Variants in TNKS observed in about 807,000 individuals in gnomAD.
The protein encoded by TNKS is poly [ADP-ribose] polymerase tankyrase-1.
A neutral mutation model predicts 135.8 loss-of-function variants in TNKS; 72 were observed. That is an observed-to-expected ratio of 0.53 (90% CI 0.44 to 0.64). TNKS has a LOEUF of 0.64. TNKS is among the 30% of genes least tolerant of loss of function. The probability of loss-of-function intolerance (pLI) is 0.00; values close to 1 mark genes in which losing one functional copy is unlikely to be tolerated. For synonymous variants in TNKS, 849 were observed against 649.3 expected (o/e 1.31, Z -4.68); for missense variants, 1,769 against 1,674.0 (o/e 1.06, Z -0.99).
intron 26 of TNKS, chr8:9,772,223 G>A (rs968028930): frequency 2.8e-6 from 1 of 357,812 alleles, no homozygotes; most frequent in Non-Finnish European, 5.5e-6. Flanking sequence ...AAGAATATTT[G>A]CGTGGTTTTC....
intron 9 of TNKS, among the ~76,000 whole-genome samples, chr8:9,709,476 T>TA (rs1374203507): frequency 2.6e-5 from 4 of 152,312 alleles, no homozygotes; most frequent in East Asian, 3.9e-4. Flanking sequence ...TCTGAGAATA[T>TA]TTTTCTCTAA....
chr8:9,713,467 A>C (rs1221544021), intron 11 of TNKS, among the ~76,000 whole-genome samples: 1 of 152,158 alleles, frequency 6.6e-6, no homozygotes. Context: ...GCCTTTCTCT[A>C]GGTCTGTGGT....
intron 11 of TNKS, chr8:9,710,463 T>G (rs1342743155): frequency 1.0e-5 from 6 of 574,804 alleles, no homozygotes; most frequent in Non-Finnish European, 1.9e-5. Context: ...ATAGCTATAG[T>G]CATTTGAAAT....
chr8:9,613,732 C>G (rs1799542915), intron 2 of TNKS, among the ~76,000 whole-genome samples: 1 of 152,116 alleles, frequency 6.6e-6, no homozygotes, highest in Non-Finnish European at 1.5e-5. Flanking sequence ...AAAACTACAA[C>G]TAAACTGTAA....
At chr8:9,637,412 A>G (rs984544890) in intron 3 of TNKS, among the ~76,000 whole-genome samples, 1 of 152,140 alleles carries the variant, frequency 6.6e-6, no homozygotes, top group Non-Finnish European at 1.5e-5. Flanking sequence ...TGGCTCCAGT[A>G]TTTGAAAATG....
chr8:9,725,075 A>G (rs1324911106), intron 12 of TNKS, among the ~76,000 whole-genome samples: 4 of 152,258 alleles, frequency 2.6e-5, no homozygotes, highest in Non-Finnish European at 5.9e-5. Context: ...AATCACTGTC[A>G]TAGAGACATA....
intron 3 of TNKS, among the ~76,000 whole-genome samples, chr8:9,623,356 C>G (rs117949885): frequency 7.0e-4 from 107 of 151,888 alleles, no homozygotes; most frequent in Non-Finnish European, 1.4e-3. Flanking sequence ...AACCTGTGTA[C>G]AGGCATACCT....
chr8:9,677,377 A>T (rs191833788), intron 3 of TNKS, among the ~76,000 whole-genome samples: 1 of 152,310 alleles, frequency 6.6e-6, no homozygotes, highest in African/African-American at 2.4e-5. Context: ...AAACATCAAT[A>T]AACTATGCTT....
At chr8:9,592,218 C>T (rs1456623540) in intron 2 of TNKS, among the ~76,000 whole-genome samples, 2 of 152,120 alleles carry the variant, frequency 1.3e-5, no homozygotes, top group South Asian at 4.1e-4. Context: ...TTTCCACAAA[C>T]GAAGACTTAT....
intron 12 of TNKS, among the ~76,000 whole-genome samples, chr8:9,723,768 A>G (rs969413058): frequency 2.0e-5 from 3 of 152,234 alleles, no homozygotes; most frequent in Non-Finnish European, 4.4e-5. Flanking sequence ...AATGGCTAGC[A>G]TAATAGCACA....
At chr8:9,574,996 A>G (rs1455939912) in intron 1 of TNKS, 29 of 971,708 alleles carry the variant, frequency 3.0e-5, no homozygotes, top group Non-Finnish European at 3.4e-5. Flanking sequence ...GAAAGATTCT[A>G]AGGAGCTCCT....
At chr8:9,626,546 T>C (rs1800061498) in intron 3 of TNKS, among the ~76,000 whole-genome samples, 1 of 152,230 alleles carries the variant, frequency 6.6e-6, no homozygotes, top group Non-Finnish European at 1.5e-5. Context: ...TCATAGTTCT[T>C]GGTATGACAA....
intron 3 of TNKS, among the ~76,000 whole-genome samples, chr8:9,629,420 C>G (rs1800197117): frequency 6.6e-6 from 1 of 152,154 alleles, no homozygotes; most frequent in Non-Finnish European, 1.5e-5. Context: ...TTATTTCATT[C>G]ACCCCCTTAA....
chr8:9,735,724 C>T (rs549316321), intron 17 of TNKS, among the ~76,000 whole-genome samples: 9 of 151,936 alleles, frequency 5.9e-5, no homozygotes, highest in South Asian at 2.1e-4. Flanking sequence ...GGCATGAACC[C>T]GGGAGGCGGA....
intron 2 of TNKS, among the ~76,000 whole-genome samples, chr8:9,608,135 C>T (rs548412755): frequency 4.6e-5 from 7 of 152,028 alleles, no homozygotes; most frequent in African/African-American, 1.7e-4. Context: ...AAGTCCAGGT[C>T]TCCCTATGTT....
At chr8:9,594,530 T>G (rs1029723961) in intron 2 of TNKS, among the ~76,000 whole-genome samples, 1 of 152,226 alleles carries the variant, frequency 6.6e-6, no homozygotes, top group African/African-American at 2.4e-5. Flanking sequence ...ACAGTGCTGT[T>G]AGACCCAGTG....
chr8:9,773,617 G>GA (rs574488297), intron 26 of TNKS, among the ~76,000 whole-genome samples: 5 of 152,084 alleles, frequency 3.3e-5, no homozygotes, highest in African/African-American at 1.2e-4. Flanking sequence ...TTACTTTTCT[G>GA]AAATTTACTA....
rs561666487 is a variant in TNKS at position 9,769,780 on chromosome 8, C to T, written c.3741-326C>T. ...GACTACAGGCGCCCGCCACCACACC[C>T]GGCTAACTTTTTGTATTTTTAGTAG... On this transcript the variant is annotated intron_variant, in intron 25 of 26. Coordinates refer to ENST00000310430, the MANE Select transcript of TNKS (RefSeq NM_003747.3). Among the ~76,000 whole-genome samples, 10 of 152,070 alleles carry T rather than the reference C, an allele frequency of 6.6e-5. No homozygotes were observed. In the East Asian group the frequency reaches 1.2e-3, roughly 18 times the overall value.
At chr8:9,644,734 TACAG>T (rs1375712686) in intron 3 of TNKS, among the ~76,000 whole-genome samples, 2 of 152,198 alleles carry the variant, frequency 1.3e-5, no homozygotes, top group Non-Finnish European at 2.9e-5. Flanking sequence ...TGAAATTATA[TACAG>T]ACAGTCCTCG....
Sources: gnomAD v4.1 joint callset for allele counts (sites outside exome capture counted in the v4.1 genomes callset) on GRCh38, gnomAD v4.1.1 for gene constraint, MANE v1.5 for transcripts, NCBI Gene and HGNC (gene_info 2026-07-23, HGNC 2026-07-21) for gene names.